NCOA1: variants seen among roughly 807,000 people sequenced by gnomAD.
NCOA1 encodes Hin-2 protein.
Under a neutral mutation model 150.9 loss-of-function variants are expected in NCOA1, and 35 were observed. That is an observed-to-expected ratio of 0.23 (90% CI 0.18 to 0.31). The LOEUF (loss-of-function observed/expected upper bound fraction) is 0.31. Ranked by LOEUF, NCOA1 falls within the 10% of genes least tolerant of loss-of-function variation. The pLI, the probability that NCOA1 is intolerant of heterozygous loss-of-function variation, is 1.00. For missense variants in NCOA1, 1,491 were observed against 1,749.3 expected (o/e 0.85, Z 2.63); for synonymous variants, 590 against 630.0 (o/e 0.94, Z 0.95).
At chr2:24,533,355 A>T (rs1032333957) in intron 1 of NCOA1, among the ~76,000 whole-genome samples, 1 of 152,164 alleles carries the variant, frequency 6.6e-6, no homozygotes, top group Non-Finnish European at 1.5e-5. Flanking sequence ...GGCTGAGACG[A>T]TGCGGTTTTC....
chr2:24,689,709 A>G (rs933337716), intron 8 of NCOA1, among the ~76,000 whole-genome samples: 4 of 152,148 alleles, frequency 2.6e-5, no homozygotes, highest in Non-Finnish European at 4.4e-5. Flanking sequence ...TTTTTTTATC[A>G]TAGGGTCTAT....
chr2:24,521,828 CCA>C (rs1395989533), intron 1 of NCOA1, among the ~76,000 whole-genome samples: 3 of 152,032 alleles, frequency 2.0e-5, no homozygotes, highest in Non-Finnish European at 4.4e-5. Context: ...AATGGCTGTA[CCA>C]ATTTACATTC....
chr2:24,648,970 T>A (rs1032653014), intron 4 of NCOA1, among the ~76,000 whole-genome samples: 3 of 152,186 alleles, frequency 2.0e-5, no homozygotes, highest in Admixed American at 2.0e-4. Context: ...CTGTATCTAA[T>A]GCAGATCTTC....
intron 9 of NCOA1, among the ~76,000 whole-genome samples, chr2:24,693,035 G>C (rs1672740636): frequency 6.6e-6 from 1 of 151,944 alleles, no homozygotes; most frequent in African/African-American, 2.4e-5. Context: ...TAATTTTTTT[G>C]TGTTTTTTAG....
chr2:24,667,094 A>G (rs1336092205), intron 6 of NCOA1, among the ~76,000 whole-genome samples: 1 of 152,186 alleles, frequency 6.6e-6, no homozygotes, highest in Non-Finnish European at 1.5e-5. Context: ...AACCCCAAAG[A>G]ACTTCAGATT....
At chr2:24,746,074 A>T (rs1663902423) in intron 19 of NCOA1, among the ~76,000 whole-genome samples, 1 of 152,226 alleles carries the variant, frequency 6.6e-6, no homozygotes, top group Non-Finnish European at 1.5e-5. Context: ...ACGTGAGCAG[A>T]GTGTGACCTT....
At chr2:24,735,403 C>T (rs552292932) in intron 17 of NCOA1, among the ~76,000 whole-genome samples, 1 of 152,238 alleles carries the variant, frequency 6.6e-6, no homozygotes, top group South Asian at 2.1e-4. Flanking sequence ...GTAAGCATCT[C>T]ATAGCAAGAA....
intron 3 of NCOA1, among the ~76,000 whole-genome samples, chr2:24,611,257 C>T (rs12105106): frequency 0.056 from 8,524 of 152,198 alleles, 326 homozygotes; most frequent in Non-Finnish European, 0.08. Flanking sequence ...CCTACATCCA[C>T]GTTGTCGCAA....
At chr2:24,696,862 CATT>C (rs1672924001) in intron 10 of NCOA1, among the ~76,000 whole-genome samples, 1 of 151,654 alleles carries the variant, frequency 6.6e-6, no homozygotes, top group Non-Finnish European at 1.5e-5. Flanking sequence ...GTTTTTATCT[CATT>C]AATTCTTAAT....
At chr2:24,528,247 A>G (rs867911082) in intron 1 of NCOA1, among the ~76,000 whole-genome samples, 1 of 152,070 alleles carries the variant, frequency 6.6e-6, no homozygotes, top group Non-Finnish European at 1.5e-5. Flanking sequence ...GCCACTGTCA[A>G]GAAACTTTCC....
Position 24,657,067 on chromosome 2 carries a change from C to A in NCOA1, c.-17-1594C>A, listed in dbSNP as rs536334091. On this transcript the variant is annotated intron_variant, in intron 4 of 22. Transcript: ENST00000348332. The stretch of plus-strand genomic sequence containing the variant: ...CCATGCTCTTTTCCAAATGGCTACG[C>A]TAATTTACATTCCCACTAAAAATGT... Among the ~76,000 whole-genome samples the A allele has an allele frequency of 2.0e-5, 3 of 152,334 alleles. No individual in the cohort carries two copies. In the East Asian group the frequency reaches 5.8e-4, roughly 29 times the overall value.
At chr2:24,736,532 CAG>C (rs1663313566) in intron 17 of NCOA1, among the ~76,000 whole-genome samples, 1 of 152,034 alleles carries the variant, frequency 6.6e-6, no homozygotes, top group African/African-American at 2.4e-5. Context: ...GATCAGAAAA[CAG>C]AATTAGGATT....
intron 3 of NCOA1, among the ~76,000 whole-genome samples, chr2:24,594,452 G>T (rs1364121052): frequency 2.0e-5 from 3 of 152,056 alleles, no homozygotes; most frequent in Non-Finnish European, 4.4e-5. Context: ...TGCCTTTATT[G>T]CATCAGAACA....
At chr2:24,762,351 G>A (rs1572696245) in intron 21 of NCOA1, among the ~76,000 whole-genome samples, 1 of 152,178 alleles carries the variant, frequency 6.6e-6, no homozygotes, top group Non-Finnish European at 1.5e-5. Context: ...ATATGTATGT[G>A]TGAATTAACT....
chr2:24,611,198 A>G (rs1482944247), intron 3 of NCOA1, among the ~76,000 whole-genome samples: 1 of 152,198 alleles, frequency 6.6e-6, no homozygotes, highest in Non-Finnish European at 1.5e-5. Flanking sequence ...AAATGAGAAC[A>G]TGCAGTATTT....
chr2:24,600,540 C>T (rs1440955559), intron 3 of NCOA1, among the ~76,000 whole-genome samples: 2 of 152,112 alleles, frequency 1.3e-5, no homozygotes, highest in Non-Finnish European at 1.5e-5. Context: ...ATTTCCCATT[C>T]GTTGTTATTT....
intron 1 of NCOA1, among the ~76,000 whole-genome samples, chr2:24,498,577 A>C (rs1478461556): frequency 6.6e-6 from 1 of 152,182 alleles, no homozygotes; most frequent in Non-Finnish European, 1.5e-5. Flanking sequence ...TTTCTTTAAG[A>C]ATAGAGACAA....
rs566034022 is a variant in NCOA1, at chr2:24,494,572, G to A, written c.-396+2970G>A. Among the ~76,000 whole-genome samples, 4 of 152,310 alleles carry A rather than the reference G, an allele frequency of 2.6e-5. No individual in the cohort carries two copies. In the South Asian group the frequency reaches 8.3e-4, roughly 32 times the overall value. On this transcript the variant is annotated intron_variant, in intron 1 of 22. Transcript: ENST00000348332. ...GACGCTCATGATTGTTTTGGCATTG[G>A]TTTTTGCCTTTTAAATATGATTATA...
At chr2:24,644,972 A>G (rs1251335796) in intron 4 of NCOA1, among the ~76,000 whole-genome samples, 2 of 152,088 alleles carry the variant, frequency 1.3e-5, no homozygotes, top group Non-Finnish European at 2.9e-5. Flanking sequence ...AGTTGTCACT[A>G]TGGAGAGTGA....
Sources: allele counts gnomAD v4.1 joint callset (sites outside exome capture counted in the v4.1 genomes callset), GRCh38; gene constraint gnomAD v4.1.1; transcripts MANE v1.5; gene names NCBI Gene and HGNC (gene_info 2026-07-23, HGNC 2026-07-21).